SERPINE3: variants seen among roughly 807,000 people sequenced by gnomAD.
SERPINE3 encodes the protein serpin E3.
Under a neutral mutation model 41.7 loss-of-function variants are expected in SERPINE3, and 43 were observed. The ratio of observed to expected loss-of-function variants is 1.03; its 90% CI spans 0.81 to 1.33. The LOEUF (loss-of-function observed/expected upper bound fraction) is 1.33, where lower values mean the gene tolerates loss of function less well. Among genes scored for constraint, SERPINE3 ranks in the 40% most tolerant of loss-of-function variants. The probability of loss-of-function intolerance (pLI) is 0.00; values close to 1 mark genes in which losing one functional copy is unlikely to be tolerated. For missense variants in SERPINE3, 440 were observed against 491.7 expected, an observed-to-expected ratio of 0.89 and a Z score of 0.99; for synonymous variants, 200 against 192.2, an observed-to-expected ratio of 1.04 and a Z score of -0.34.
chr13:51,352,028 C>A (rs1434658112), intron 6 of SERPINE3, among the ~76,000 whole-genome samples: 1 of 152,090 alleles, frequency 6.6e-6, no homozygotes, highest in Admixed American at 6.5e-5. Flanking sequence ...ACCACACAGT[C>A]TTCATTACTG....
chr13:51,340,146 C>G (rs1245503430), intron 1 of SERPINE3, among the ~76,000 whole-genome samples: 2 of 152,186 alleles, frequency 1.3e-5, no homozygotes, highest in African/African-American at 4.8e-5. Flanking sequence ...GCAGGGTGAG[C>G]TGCTCACTGG....
rs775407364 is a variant in SERPINE3 at position 51,341,119 on chromosome 13, C to G, written c.28C>G (p.Leu10Val). The part of the protein sequence containing the change: MPPFLITLF[L>V]FHSCCLRANG... The stretch of plus-strand genomic sequence containing the variant: ...GCCGCCTTTCCTGATCACCCTCTTC[C>G]TCTTTCACTCTTGCTGCCTCCGAGC... Residue 10 changes from leucine (L) to valine (V), a missense_variant, in exon 3 of 10, where the codon CTC becomes GTC. Physicochemically the swap from Leu to Val is conservative, Grantham distance 32. Transcript: ENST00000681248. 3 of 1,613,918 alleles carry G rather than the reference C, an allele frequency of 1.9e-6. No homozygotes were observed. The highest frequency in any genetic ancestry group is 2.5e-6 in the Non-Finnish European group (3 of 1,179,908).
Position 51,341,190 on chromosome 13 carries a change from T to G in SERPINE3, c.99T>G (p.Phe33Leu). The stretch of plus-strand genomic sequence containing the variant: ...GAATGACATTGCTGAAGACTGAGTT[T>G]GCACTTCACCTCTACCAGAGTGTGG... ...REGMTLLKTEFALHLYQSVAA... is the reference protein window; with the variant it reads ...REGMTLLKTELALHLYQSVAA... Residue 33 changes from phenylalanine to leucine, a missense_variant, in exon 3 of 10, where the codon TTT becomes TTG. By Grantham distance (22) the Phe-to-Leu change is conservative. Transcript: ENST00000681248. 1.2e-6 allele frequency: 2 copies of G among 1,614,060 alleles called. No individual in the cohort carries two copies. Among genetic ancestry groups the G allele is most frequent in the Non-Finnish European group, 1.7e-6 (2 of 1,179,896 alleles).
intron 6 of SERPINE3, among the ~76,000 whole-genome samples, chr13:51,349,234 T>C (rs188407468): frequency 6.6e-6 from 1 of 152,238 alleles, no homozygotes; most frequent in Non-Finnish European, 1.5e-5. Flanking sequence ...AAAGGCAAAG[T>C]CCTTGGCAGT....
chr13:51,359,468 A>T (rs867839647), intron 7 of SERPINE3, among the ~76,000 whole-genome samples: 2 of 152,228 alleles, frequency 1.3e-5, no homozygotes, highest in Middle Eastern at 3.4e-3. Context: ...ATAAATGTCA[A>T]TTATTGGACC....
In SERPINE3 at chr13:51,361,314, A is replaced by C. The variant is rs374323737; in HGVS notation, c.1037A>C (p.Lys346Thr). 2.5e-6 allele frequency: 4 copies of C among 1,610,198 alleles called. No individual in the cohort carries two copies. The highest frequency in any genetic ancestry group is 2.7e-5 in the African/African-American group (2 of 74,722). ...TTTTATGTTTCTGAAGCAATCCACAAGGCCAAGATTGAAGTTTTGGAGGAA... is the reference window on the plus strand; with the variant it reads ...TTTTATGTTTCTGAAGCAATCCACACGGCCAAGATTGAAGTTTTGGAGGAA... Reference protein sequence around the residue: ...DGFYVSEAIHKAKIEVLEEGT... With the variant: ...DGFYVSEAIHTAKIEVLEEGT... Residue 346 changes from lysine (K) to threonine (T), a missense_variant, in exon 8 of 10, where the codon AAG (lysine) becomes ACG (threonine). By Grantham distance (78) the Lys-to-Thr change is moderately conservative. Transcript: ENST00000681248.
chr13:51,364,304 C>A lies in SERPINE3; in HGVS notation c.*22C>A. ...CTAAATGCATGTTCTCCACTTTCAT[C>A]AATGCTTTTCTTCATAAAGTTATAA... is the stretch of plus-strand genomic sequence containing the variant. On this transcript the variant is annotated 3_prime_UTR_variant, in exon 10 of 10. Transcript: ENST00000681248. 7.4e-7 allele frequency: 1 copy of A among 1,359,658 alleles called. No individual in the cohort carries two copies. Among genetic ancestry groups the A allele is most frequent in the South Asian group, 1.3e-5 (1 of 74,376 alleles). 84.2% of individuals were successfully genotyped at this position (1,359,658 alleles called of 1,614,324 possible). A position where few individuals can be genotyped will look rare whatever the true frequency, so the allele number is the denominator to read the frequency against.
chr13:51,361,614 GAA>G (rs1193292451), intron 8 of SERPINE3, 194 bp from the exon 9 acceptor site: 4 of 597,876 alleles, frequency 6.7e-6, no homozygotes, highest in Non-Finnish European at 1.2e-5. Context: ...GGAATGTGTT[GAA>G]AACAGGAGAC....
chr13:51,348,784 A>C, intron 6 of SERPINE3: 1 of 217,310 alleles, frequency 4.6e-6, no homozygotes, highest in Non-Finnish European at 9.1e-6. Flanking sequence ...ATCTTATCCC[A>C]TCCTAAGAGT....
Position 51,361,884 on chromosome 13 carries a change from C to G in SERPINE3, c.1162C>G (p.Pro388Ala), listed in dbSNP as rs762326930. 1.2e-6 allele frequency: 2 copies of G among 1,611,352 alleles called. No homozygotes were observed. Among genetic ancestry groups the G allele is most frequent in the East Asian group, 4.5e-5 (2 of 44,814 alleles). The change falls in exon 9 of 10, where the codon CCT becomes GCT. Residue 388 changes from proline to alanine, a missense_variant. Physicochemically the swap from Pro to Ala is conservative, Grantham distance 27. Coordinates refer to ENST00000681248, the MANE Select transcript of SERPINE3 (RefSeq NM_001386375.1). Reference protein sequence around the residue: ...DRPFIYFLREPNTGFVFSIGR... With the variant: ...DRPFIYFLREANTGFVFSIGR... ...GCCATTCATCTATTTCCTGAGAGAA[C>G]CTAACACAGGTATTACAGTATTTTT... is the stretch of plus-strand genomic sequence containing the variant.
At position 51,355,122 on chromosome 13, in the gene SERPINE3, G is replaced by A. The variant is rs1296901688; in HGVS notation, c.979G>A (p.Ala327Thr). 1.3e-6 allele frequency: 2 copies of A among 1,537,338 alleles called. No individual in the cohort carries two copies. Among genetic ancestry groups the A allele is most frequent in the Non-Finnish European group, 1.8e-6 (2 of 1,132,694 alleles). The change falls in exon 7 of 10, where the codon GCT becomes ACT. Residue 327 changes from alanine to threonine, a missense_variant. Ala to Thr is a moderately conservative substitution (Grantham distance 58). Transcript: ENST00000681248. ...CACCGATCTTTTTGATCCACTCAAA[G>A]CTAACTTGAAAGGAATTTCAGGTAA... Reference protein sequence around the residue: ...GVTDLFDPLKANLKGISGQDG... With the variant: ...GVTDLFDPLKTNLKGISGQDG...
intron 7 of SERPINE3, among the ~76,000 whole-genome samples, chr13:51,355,583 C>G (rs938057018): frequency 6.6e-6 from 1 of 152,024 alleles, no homozygotes; most frequent in East Asian, 1.9e-4. Context: ...AGTCTTGAAA[C>G]CTTCCCTCAT....
chr13:51,358,157 T>C (rs1469218591), intron 7 of SERPINE3, among the ~76,000 whole-genome samples: 1 of 152,084 alleles, frequency 6.6e-6, no homozygotes, highest in Admixed American at 6.6e-5. Flanking sequence ...GGGTGCTATG[T>C]GTTTCTCTCT....
intron 5 of SERPINE3, 32 bp downstream of exon 5, chr13:51,347,266 GGAGAGGAAGCCTGGGCCTGAGGGCAGGA>G: frequency 6.3e-7 from 1 of 1,595,936 alleles, no homozygotes; most frequent in South Asian, 1.1e-5. Flanking sequence ...TTGTCTAAAG[GGAGAGGAAGCCTGGGCCTGAGGGCAGGA>G]GAGAGGAGGC....
intron 9 of SERPINE3, chr13:51,362,392 T>C (rs921099493): frequency 6.1e-6 from 1 of 163,986 alleles, no homozygotes; most frequent in Non-Finnish European, 1.3e-5. Flanking sequence ...TACTTTTAAG[T>C]CCTACTACAT....
chr13:51,361,003 TC>T (rs2137826352), intron 7 of SERPINE3, among the ~76,000 whole-genome samples: 2 of 152,168 alleles, frequency 1.3e-5, no homozygotes, highest in East Asian at 3.9e-4. Context: ...GGGGCAGTGC[TC>T]TGAATATTAT....
intron 7 of SERPINE3, among the ~76,000 whole-genome samples, chr13:51,357,599 T>C (rs1955499410): frequency 6.6e-6 from 1 of 152,120 alleles, no homozygotes; most frequent in Non-Finnish European, 1.5e-5. Context: ...TGGCATCAAA[T>C]ATTTTTTTTG....
In SERPINE3 at chr13:51,346,929, C is replaced by A. The variant is rs1013666114; in HGVS notation, c.491-96C>A. 10 of 859,710 alleles carry A rather than the reference C, an allele frequency of 1.2e-5. No individual in the cohort carries two copies. The African/African-American group carries it at 1.5e-4, about 13-fold the overall frequency. The allele number at this position is 859,710 out of a possible 1,614,324, so 53.3% of individuals were successfully genotyped here. A position where few individuals can be genotyped will look rare whatever the true frequency, so the allele number is the denominator to read the frequency against. ...TTAAGCAAAAAGACCTGCATTTTCGCATTTTAACTCTGCACTCCTTGTCCG... is the reference window on the plus strand; with the variant it reads ...TTAAGCAAAAAGACCTGCATTTTCGAATTTTAACTCTGCACTCCTTGTCCG... On this transcript the variant is annotated intron_variant, in intron 4 of 9. Transcript: ENST00000681248.
In SERPINE3 at chr13:51,364,606, G is replaced by C. The variant is rs1248906859; in HGVS notation, c.*324G>C. 2 of 211,516 alleles carry C rather than the reference G, an allele frequency of 9.5e-6. No individual in the cohort carries two copies. The highest frequency in any genetic ancestry group is 1.9e-5 in the Non-Finnish European group (2 of 108,002). 13.1% of individuals were successfully genotyped at this position (211,516 alleles called of 1,614,324 possible). ...GATACTCTAGGCCATGTTGAATTGA[G>C]GGTGGAGAATGAATAGCGTGGTTTT... On this transcript the variant is annotated 3_prime_UTR_variant, in exon 10 of 10. Transcript: ENST00000681248.
Sources: gnomAD v4.1 joint callset for allele counts (sites outside exome capture counted in the v4.1 genomes callset) on GRCh38, gnomAD v4.1.1 for gene constraint, MANE v1.5 for transcripts, NCBI Gene and HGNC (gene_info 2026-07-23, HGNC 2026-07-21) for gene names.